FHOD3: variants seen among roughly 807,000 people sequenced by gnomAD.
FHOD3 encodes formin homology 2 domain containing 3.
FHOD3 carries 90 observed loss-of-function variants against 173.0 expected under a neutral mutation model. That is an observed-to-expected ratio of 0.52 (90% CI 0.44 to 0.62). FHOD3 has a LOEUF of 0.62. Ranked by LOEUF, FHOD3 falls within the 20% of genes least tolerant of loss-of-function variation. The pLI is 0.00. For synonymous variants in FHOD3, 828 were observed against 823.0 expected (o/e 1.01, Z -0.10); for missense variants, 1,945 against 2,034.7 (o/e 0.96, Z 0.85).
chr18:36,699,532 C>A (rs1386059883), intron 17 of FHOD3, among the ~76,000 whole-genome samples: 3 of 152,234 alleles, frequency 2.0e-5, no homozygotes, highest in Non-Finnish European at 4.4e-5. Flanking sequence ...AATTTCCAGA[C>A]AATGACTGAG....
rs2042612650 is a variant in FHOD3 at position 36,755,854 on chromosome 18, A to G, written c.4425+543A>G. On this transcript the variant is annotated intron_variant, in intron 25 of 28. Transcript: ENST00000590592. ...TTGCCAGTCCCTTGAATCACAGGAC[A>G]TCAGGGTGGAAAGAGTTCCCAGAGG... Among the ~76,000 whole-genome samples, 4 of 151,744 alleles carry G rather than the reference A, an allele frequency of 2.6e-5. No individual in the cohort carries two copies. In the South Asian group the frequency reaches 8.3e-4, roughly 31 times the overall value.
At chr18:36,447,715 G>A (rs1227527866) in intron 3 of FHOD3, among the ~76,000 whole-genome samples, 2 of 152,164 alleles carry the variant, frequency 1.3e-5, no homozygotes, top group Non-Finnish European at 2.9e-5. Context: ...AAATCTGAAA[G>A]CAACCGTAAT....
intron 14 of FHOD3, among the ~76,000 whole-genome samples, chr18:36,676,978 A>G (rs1047589121): frequency 6.6e-6 from 1 of 152,168 alleles, no homozygotes; most frequent in East Asian, 1.9e-4. Flanking sequence ...TAGTCTTTCA[A>G]TGTGCACAAA....
chr18:36,349,761 G>C (rs2046033816), intron 1 of FHOD3, among the ~76,000 whole-genome samples: 1 of 152,132 alleles, frequency 6.6e-6, no homozygotes. Flanking sequence ...GTTTTTTCAG[G>C]ATGGTGAGTC....
At chr18:36,600,799 A>G (rs1255299618) in intron 7 of FHOD3, among the ~76,000 whole-genome samples, 1 of 152,218 alleles carries the variant, frequency 6.6e-6, no homozygotes, top group African/African-American at 2.4e-5. Flanking sequence ...CTTTGGCTCC[A>G]GAGTAAGCAA....
chr18:36,694,775 G>A (rs2039164608), intron 17 of FHOD3, among the ~76,000 whole-genome samples: 1 of 152,182 alleles, frequency 6.6e-6, no homozygotes, highest in African/African-American at 2.4e-5. Context: ...GACAGTGTCT[G>A]TAAATGTCAT....
At chr18:36,608,597 T>G (rs1788094743) in intron 8 of FHOD3, among the ~76,000 whole-genome samples, 1 of 152,208 alleles carries the variant, frequency 6.6e-6, no homozygotes, top group South Asian at 2.1e-4. Flanking sequence ...ACCTTCACAA[T>G]TAGAATACAG....
intron 19 of FHOD3, among the ~76,000 whole-genome samples, chr18:36,729,426 C>A (rs2041241599): frequency 6.6e-6 from 1 of 152,220 alleles, no homozygotes; most frequent in African/African-American, 2.4e-5. Flanking sequence ...CATCACCCCA[C>A]AGACACTGTC....
At chr18:36,551,934 G>A (rs1206338406) in intron 5 of FHOD3, among the ~76,000 whole-genome samples, 3 of 152,192 alleles carry the variant, frequency 2.0e-5, no homozygotes, top group African/African-American at 7.2e-5. Context: ...GTAGCGTGAT[G>A]CCTCCAGCTT....
At chr18:36,687,020 C>A in intron 15 of FHOD3, 108 bp from the exon 16 acceptor site, 1 of 715,372 alleles carries the variant, frequency 1.4e-6, no homozygotes, top group Non-Finnish European at 2.3e-6. Context: ...ATTTCTGAGG[C>A]AGTGCCAGTC....
chr18:36,461,441 GT>G (rs147549416), intron 3 of FHOD3, among the ~76,000 whole-genome samples: 1 of 146,088 alleles, frequency 6.8e-6, no homozygotes, highest in South Asian at 2.1e-4. Flanking sequence ...AGCTCAGTCT[GT>G]TTTTTTTTGT....
chr18:36,647,027 G>A (rs947420102), intron 10 of FHOD3, among the ~76,000 whole-genome samples: 2 of 152,042 alleles, frequency 1.3e-5, no homozygotes, highest in African/African-American at 4.8e-5. Context: ...ACCTGAGGTC[G>A]GGAGTTTGAG....
At chr18:36,326,223 T>C (rs1265808252) in intron 1 of FHOD3, among the ~76,000 whole-genome samples, 1 of 152,232 alleles carries the variant, frequency 6.6e-6, no homozygotes, top group African/African-American at 2.4e-5. Flanking sequence ...AATAGAAAGA[T>C]TCAAATATGC....
At chr18:36,419,714 G>A (rs776729780) in intron 3 of FHOD3, among the ~76,000 whole-genome samples, 70 of 152,328 alleles carry the variant, frequency 4.6e-4, no homozygotes, top group Non-Finnish European at 6.8e-4. Context: ...GTGAGTTAGT[G>A]TGTCTGACAG....
chr18:36,500,688 A>G (rs2146013238), intron 3 of FHOD3, among the ~76,000 whole-genome samples: 1 of 152,246 alleles, frequency 6.6e-6, no homozygotes, highest in Non-Finnish European at 1.5e-5. Context: ...TCAAGGTCAC[A>G]TAGCTAGTAA....
chr18:36,311,093 A>G (rs1249540913), intron 1 of FHOD3, among the ~76,000 whole-genome samples: 1 of 152,190 alleles, frequency 6.6e-6, no homozygotes, highest in Non-Finnish European at 1.5e-5. Flanking sequence ...GATGACAGAA[A>G]GAGAATTGGG....
chr18:36,382,460 G>A (rs567213140), intron 3 of FHOD3, among the ~76,000 whole-genome samples: 15 of 152,336 alleles, frequency 9.8e-5, no homozygotes, highest in African/African-American at 3.4e-4. Flanking sequence ...CCAATTCAAA[G>A]TGTTACAATT....
intron 24 of FHOD3, among the ~76,000 whole-genome samples, chr18:36,750,016 A>G (rs1052233420): frequency 5.9e-5 from 9 of 151,818 alleles, no homozygotes; most frequent in Non-Finnish European, 1.0e-4. Context: ...GGGGCCGGGC[A>G]TGGTGGCTCA....
Position 36,730,824 on chromosome 18 carries a change from G to C in FHOD3, c.3576+20G>C. On this transcript the variant is annotated intron_variant, in intron 20 of 28. Transcript: ENST00000590592. Reference sequence around the variant, plus strand: ...ATCGAGGTGAGGGAAGCTCTATTAAGCATTATTTGTATTTTATCTTATACT... The same window carrying C: ...ATCGAGGTGAGGGAAGCTCTATTAACCATTATTTGTATTTTATCTTATACT... 1 of 1,610,654 alleles carries C rather than the reference G, an allele frequency of 6.2e-7. No individual in the cohort carries two copies. The highest frequency in any genetic ancestry group is 8.5e-7 in the Non-Finnish European group (1 of 1,178,332).
Sources: allele counts gnomAD v4.1 joint callset (sites outside exome capture counted in the v4.1 genomes callset), GRCh38; gene constraint gnomAD v4.1.1; transcripts MANE v1.5; gene names NCBI Gene and HGNC (gene_info 2026-07-23, HGNC 2026-07-21).